The following MAP7D3 variants were observed in gnomAD, a reference collection of about 807,000 sequenced individuals.
MAP7D3 encodes the protein MAP7 domain-containing protein 3.
MAP7D3 carries 45 observed loss-of-function variants against 62.2 expected under a neutral mutation model. The ratio of observed to expected loss-of-function variants is 0.72; its 90% CI spans 0.57 to 0.93. MAP7D3 has a LOEUF of 0.93. Among genes scored for constraint, MAP7D3 ranks in the 40% least tolerant of loss-of-function variants. The probability of loss-of-function intolerance (pLI) is 0.00; values close to 1 mark genes in which losing one functional copy is unlikely to be tolerated. For synonymous variants in MAP7D3, 288 were observed against 248.8 expected (o/e 1.16, Z -1.48); for missense variants, 711 against 683.1 (o/e 1.04, Z -0.45).
At chrX:136,246,213 A>G (rs768622701) in intron 2 of MAP7D3, 30 bp downstream of exon 2, 3 of 1,129,806 alleles carry the variant, frequency 2.7e-6, no homozygotes, top group Admixed American at 2.2e-5. Flanking sequence ...TGACACTTTG[A>G]CATCTATCAA....
chrX:136,249,000 G>A (rs1260375569), intron 1 of MAP7D3, among the ~76,000 whole-genome samples: 5 of 112,287 alleles, frequency 4.5e-5, no homozygotes, highest in Non-Finnish European at 9.4e-5. Context: ...AATAGCAAAA[G>A]CCAAAGTCAT....
upstream of MAP7D3, among the ~76,000 whole-genome samples, chrX:136,252,029 C>T (rs1452102270): frequency 8.9e-6 from 1 of 112,339 alleles, no homozygotes; most frequent in Non-Finnish European, 1.9e-5. Flanking sequence ...AGAGACTCTA[C>T]CAGGTTGCAG....
chrX:136,251,494 A>G (rs1393298432), upstream of MAP7D3: 11 of 808,169 alleles, frequency 1.4e-5, no homozygotes, highest in Non-Finnish European at 1.7e-5. Context: ...CCGAAGGGCC[A>G]CCGCGCCCGC....
At chrX:136,247,608 T>A (rs1043656080) in intron 1 of MAP7D3, among the ~76,000 whole-genome samples, 17 of 100,144 alleles carry the variant, frequency 1.7e-4, no homozygotes, top group Non-Finnish European at 2.9e-4. Context: ...TTTTTTTTTT[T>A]ACCCCAGAGG....
upstream of MAP7D3, among the ~76,000 whole-genome samples, chrX:136,252,100 C>A (rs897079553): frequency 8.9e-6 from 1 of 111,866 alleles, no homozygotes; most frequent in African/African-American, 3.3e-5. Context: ...AAGGGGCAGA[C>A]CTCACTTCAT....
chrX:136,238,546 G>C (rs903653110), intron 6 of MAP7D3, among the ~76,000 whole-genome samples: 8 of 111,679 alleles, frequency 7.2e-5, no homozygotes, highest in Non-Finnish European at 1.3e-4. Flanking sequence ...TTATAAGCAA[G>C]GTGCCAGAGA....
chrX:136,243,369 A>C (rs1436185139), intron 4 of MAP7D3, among the ~76,000 whole-genome samples: 1 of 112,041 alleles, frequency 8.9e-6, no homozygotes, highest in Non-Finnish European at 1.9e-5. Context: ...CCAGAGTCAG[A>C]GACCAAAAGA....
At chrX:136,228,849 T>C (rs907399044) in intron 10 of MAP7D3, 91 bp from the exon 11 acceptor site, 9 of 719,200 alleles carry the variant, frequency 1.3e-5, no homozygotes, top group Admixed American at 8.1e-5. Flanking sequence ...CATTAAAATA[T>C]ATATATATGT....
downstream of MAP7D3, among the ~76,000 whole-genome samples, chrX:136,216,112 A>AT (rs1455595556): frequency 7.2e-5 from 8 of 110,700 alleles, no homozygotes; most frequent in Admixed American, 1.9e-4. Flanking sequence ...AAAACAAAAT[A>AT]TTTTTTTTAA....
At chrX:136,246,035 T>C (rs772678032) in intron 3 of MAP7D3, 30 bp downstream of exon 3, 2 of 1,068,241 alleles carry the variant, frequency 1.9e-6, no homozygotes, top group Non-Finnish European at 2.6e-6. Flanking sequence ...ACAATTCATT[T>C]TGATTTTTGA....
rs774427646 is a variant in MAP7D3 at position 136,246,239 on chromosome X, A to G, written c.169+4T>C. The G allele has an allele frequency of 8.5e-7, 1 of 1,178,436 alleles. No homozygotes were observed. The highest frequency in any genetic ancestry group is 1.2e-6 in the Non-Finnish European group (1 of 865,301). On this transcript the variant is annotated splice_donor_region_variant and intron_variant, in intron 2 of 18. Coordinates refer to ENST00000316077, the MANE Select transcript of MAP7D3 (RefSeq NM_024597.4). ...CATCTATCAAAGCATCAGAGAAATTATACCTGGTTTAAATGTCGATCTTAT... is the reference window on the plus strand; with the variant it reads ...CATCTATCAAAGCATCAGAGAAATTGTACCTGGTTTAAATGTCGATCTTAT...
chrX:136,234,948 C>T (rs911190241), intron 7 of MAP7D3, among the ~76,000 whole-genome samples: 1 of 112,132 alleles, frequency 8.9e-6, no homozygotes, highest in Non-Finnish European at 1.9e-5. Context: ...CAGCAGCTTT[C>T]CCAGCAACAC....
upstream of MAP7D3, among the ~76,000 whole-genome samples, chrX:136,253,758 CG>C (rs2074536094): frequency 9.0e-6 from 1 of 111,295 alleles, no homozygotes; most frequent in Non-Finnish European, 1.9e-5. Flanking sequence ...AGGCTGAGGC[CG>C]GCACATTGCT....
At chrX:136,232,491 T>C (rs2074283581) in intron 7 of MAP7D3, among the ~76,000 whole-genome samples, 1 of 112,237 alleles carries the variant, frequency 8.9e-6, no homozygotes, top group Admixed American at 9.4e-5. Context: ...TTCTCCAAAG[T>C]TGATGTTTGC....
chrX:136,229,963 GTATATATA>G (rs1314350673), intron 10 of MAP7D3, among the ~76,000 whole-genome samples: 6 of 35,960 alleles, frequency 1.7e-4, no homozygotes, highest in Admixed American at 4.2e-4. Context: ...TTTTGTGTGT[GTATATATA>G]TATATATATA....
chrX:136,226,068 G>A lies in MAP7D3; in HGVS notation c.2035-55C>T, dbSNP rs754294921. 8.4e-6 allele frequency: 7 copies of A among 830,715 alleles called. No homozygotes were observed. In the Admixed American group the frequency reaches 8.6e-5, roughly 10 times the overall value. 68.5% of individuals were successfully genotyped at this position (830,715 alleles called of 1,213,427 possible). The stretch of plus-strand genomic sequence containing the variant: ...ATCTCAAGATACCTGAGTGACATCA[G>A]AGAACTCTAGTTTAAAAATTTCAAT... On this transcript the variant is annotated intron_variant, in intron 12 of 18. Coordinates refer to ENST00000316077, the MANE Select transcript of MAP7D3 (RefSeq NM_024597.4).
intron 10 of MAP7D3, among the ~76,000 whole-genome samples, chrX:136,229,330 C>G (rs2074234786): frequency 9.0e-6 from 1 of 111,168 alleles, no homozygotes; most frequent in Admixed American, 9.6e-5. Flanking sequence ...TATATAACTA[C>G]TAATTTATTT....
intron 8 of MAP7D3, chrX:136,231,275 G>T: frequency 3.0e-6 from 1 of 337,456 alleles, no homozygotes. Flanking sequence ...CATTTCTTCA[G>T]AGTTTAGAAA....
At chrX:136,247,738 C>T (rs1336760384) in intron 1 of MAP7D3, among the ~76,000 whole-genome samples, 1 of 110,765 alleles carries the variant, frequency 9.0e-6, no homozygotes, top group Non-Finnish European at 1.9e-5. Context: ...AATTTGAGCA[C>T]TAGTATATTA....
Sources: allele counts gnomAD v4.1 joint callset (sites outside exome capture counted in the v4.1 genomes callset), GRCh38; gene constraint gnomAD v4.1.1; transcripts MANE v1.5; gene names NCBI Gene and HGNC (gene_info 2026-07-23, HGNC 2026-07-21).